Variants in SLC35E2B observed in about 807,000 individuals in gnomAD.
The protein encoded by SLC35E2B is solute carrier family 35 member E2B.
SLC35E2B carries 18 observed loss-of-function variants against 32.4 expected under a neutral mutation model. That is an observed-to-expected ratio of 0.56 (90% CI 0.38 to 0.82). The LOEUF is 0.82. SLC35E2B is among the 40% of genes least tolerant of loss of function. The pLI, the probability that SLC35E2B is intolerant of heterozygous loss-of-function variation, is 0.00. For missense variants in SLC35E2B, 263 were observed against 469.5 expected, an observed-to-expected ratio of 0.56 and a Z score of 4.06; for synonymous variants, 132 against 209.1, an observed-to-expected ratio of 0.63 and a Z score of 3.18.
intron 7 of SLC35E2B, 112 bp from the exon 8 acceptor site, chr1:1,669,848 C>G: frequency 8.7e-7 from 1 of 1,155,266 alleles, no homozygotes; most frequent in South Asian, 1.3e-5. Context: ...CGTTCATTCT[C>G]TCTAGACAGG....
chr1:1,683,695 G>A (rs1318298025), intron 2 of SLC35E2B, among the ~76,000 whole-genome samples: 6 of 152,020 alleles, frequency 3.9e-5, no homozygotes, highest in African/African-American at 1.2e-4. Context: ...GTGTTCTGGC[G>A]ACCAGTCCCC....
rs1643513207 is a variant in SLC35E2B at position 1,665,333 on chromosome 1, C to T, written c.*449G>A. Reference sequence around the variant, plus strand: ...TCCCTTCGGCCCTGCTCTGTGGCCTCATGCCCAGGGCCAGTCTGCCGCCGG... The same window carrying T: ...TCCCTTCGGCCCTGCTCTGTGGCCTTATGCCCAGGGCCAGTCTGCCGCCGG... On this transcript the variant is annotated 3_prime_UTR_variant, in exon 10 of 10. Coordinates refer to ENST00000617444, the MANE Select transcript of SLC35E2B (RefSeq NM_001290264.2). The T allele has an allele frequency of 7.6e-6, 3 of 393,376 alleles. No individual in the cohort carries two copies. Among genetic ancestry groups the T allele is most frequent in the Admixed American group, 4.2e-5 (1 of 23,686 alleles). 24.4% of individuals were successfully genotyped at this position (393,376 alleles called of 1,614,324 possible).
chr1:1,684,971 G>A (rs886172625), intron 2 of SLC35E2B, among the ~76,000 whole-genome samples: 1 of 151,564 alleles, frequency 6.6e-6, no homozygotes, highest in Non-Finnish European at 1.5e-5. Context: ...GCCGGGCGTG[G>A]TGGCGCATGC....
chr1:1,663,675 T>C lies in SLC35E2B; in HGVS notation c.*2107A>G. 1 of 254,704 alleles carries C rather than the reference T, an allele frequency of 3.9e-6. No individual in the cohort carries two copies. Among genetic ancestry groups the C allele is most frequent in the East Asian group, 1.8e-4 (1 of 5,680 alleles). The allele number at this position is 254,704 out of a possible 1,614,324, so 15.8% of individuals were successfully genotyped here. ...TGGTAGAGACAGGGTTTCATCATGT[T>C]GGCCAGGCTGGTCTCGAACTCCTGG... On this transcript the variant is annotated 3_prime_UTR_variant, in exon 10 of 10. Transcript: ENST00000617444.
chr1:1,685,551 C>T (rs72901735), intron 2 of SLC35E2B, among the ~76,000 whole-genome samples: 11,610 of 151,802 alleles, frequency 0.076, 1,449 homozygotes, highest in African/African-American at 0.26. Context: ...ACTTTCAGAA[C>T]CATGAAAATA....
At position 1,671,573 on chromosome 1, in the gene SLC35E2B, C is replaced by T; in HGVS notation, c.643G>A (p.Ala215Thr). ...AGGACATTGAAGCTGATCTCAGTGG[C>T]CGTGCACAGCGCCAGCCCGCCCATG... is the stretch of plus-strand genomic sequence containing the variant. ...PVMGGLALCT[A>T]TEISFNVLGF... is the part of the protein sequence containing the mutation. Residue 215 changes from alanine to threonine, a missense_variant, in exon 6 of 10, where the codon GCC becomes ACC. By Grantham distance (58) the Ala-to-Thr change is moderately conservative (BLOSUM62 0). Around this residue, in one of 7 missense-constraint regions of SLC35E2B, gnomAD observed 129 missense variants for 164.5 expected, o/e 0.78. Coordinates refer to ENST00000617444, the MANE Select transcript of SLC35E2B (RefSeq NM_001290264.2). The T allele has an allele frequency of 1.3e-6, 2 of 1,549,406 alleles. No individual in the cohort carries two copies. The highest frequency in any genetic ancestry group is 1.7e-6 in the Non-Finnish European group (2 of 1,146,048).
At chr1:1,668,238 C>A (rs1176010712) in intron 9 of SLC35E2B, 89 bp downstream of exon 9, 1 of 1,492,486 alleles carries the variant, frequency 6.7e-7, no homozygotes, top group Non-Finnish European at 9.1e-7. Context: ...AAGAGAATCA[C>A]ATGTGTCCCT....
intron 6 of SLC35E2B, 193 bp downstream of exon 6, chr1:1,671,316 G>A (rs1218438576): frequency 3.7e-6 from 2 of 536,220 alleles, no homozygotes; most frequent in East Asian, 3.6e-5. Flanking sequence ...CGTCCATCCT[G>A]AAATTTCGGC....
At chr1:1,671,003 C>G (rs535358533) in intron 6 of SLC35E2B, 2 of 152,270 alleles carry the variant, frequency 1.3e-5, no homozygotes, top group African/African-American at 4.8e-5. Context: ...GTGACAAAGA[C>G]GTAAATAACA....
At position 1,663,842 on chromosome 1, in the gene SLC35E2B, G is replaced by A. The variant is rs1387453859; in HGVS notation, c.*1940C>T. On this transcript the variant is annotated 3_prime_UTR_variant, in exon 10 of 10. Transcript: ENST00000617444. ...GAAAGTCACGTGACAAAACATCTTC[G>A]CAGCGCAGTGAGCACACACCTGGCC... 6 of 910,932 alleles carry A rather than the reference G, an allele frequency of 6.6e-6. No individual in the cohort carries two copies. The highest frequency in any genetic ancestry group is 3.5e-5 in the African/African-American group (2 of 56,718). 56.4% of individuals were successfully genotyped at this position (910,932 alleles called of 1,614,324 possible). A position where few individuals can be genotyped will look rare whatever the true frequency, so the allele number is the denominator to read the frequency against.
rs1235234435 is a variant in SLC35E2B at position 1,663,516 on chromosome 1, G to A, written c.*2266C>T. ...GACGGAATCTTGCCCTGTTGCCCAG[G>A]CTGGAGTGCAATGGCACGATCTTGG... On this transcript the variant is annotated 3_prime_UTR_variant, in exon 10 of 10. Transcript: ENST00000617444. 3 of 781,364 alleles carry A rather than the reference G, an allele frequency of 3.8e-6. No homozygotes were observed. In the African/African-American group the frequency reaches 5.6e-5, roughly 14 times the overall value. 48.4% of individuals were successfully genotyped at this position (781,364 alleles called of 1,614,324 possible).
intron 9 of SLC35E2B, among the ~76,000 whole-genome samples, chr1:1,667,203 G>A (rs575863514): frequency 6.9e-5 from 10 of 145,742 alleles, no homozygotes; most frequent in South Asian, 2.2e-4. Flanking sequence ...TCAGGAGATC[G>A]AGACCATCCT....
At position 1,665,738 on chromosome 1, in the gene SLC35E2B, G is replaced by A. The variant is rs1643525138; in HGVS notation, c.*44C>T. On this transcript the variant is annotated 3_prime_UTR_variant, in exon 10 of 10. Coordinates refer to ENST00000617444, the MANE Select transcript of SLC35E2B (RefSeq NM_001290264.2). ...AGGGCGTCCCTGCCCATTTCTGGGG[G>A]ATGCAGTGTCACGAGGACAGCAGCA... is the stretch of plus-strand genomic sequence containing the variant. 2.6e-6 allele frequency: 4 copies of A among 1,541,252 alleles called. No homozygotes were observed. Among genetic ancestry groups the A allele is most frequent in the Non-Finnish European group, 3.5e-6 (4 of 1,140,280 alleles).
chr1:1,689,668 TGAA>T (rs1643996168), intron 2 of SLC35E2B, among the ~76,000 whole-genome samples: 1 of 151,388 alleles, frequency 6.6e-6, no homozygotes, highest in South Asian at 2.1e-4. Context: ...CTTGGCTAAA[TGAA>T]GAATTCTGTT....
intron 9 of SLC35E2B, among the ~76,000 whole-genome samples, chr1:1,667,177 C>T (rs1003315330): frequency 7.4e-6 from 1 of 135,104 alleles, no homozygotes; most frequent in Non-Finnish European, 1.6e-5. Context: ...GAGGCTGAGG[C>T]GGGCAGATCA....
At position 1,663,058 on chromosome 1, in the gene SLC35E2B, G is replaced by T. The variant is rs1430997969; in HGVS notation, c.*2724C>A. 11 of 955,258 alleles carry T rather than the reference G, an allele frequency of 1.2e-5. No homozygotes were observed. The highest frequency in any genetic ancestry group is 1.4e-5 in the Non-Finnish European group (11 of 802,772). The allele number at this position is 955,258 out of a possible 1,614,324, so 59.2% of individuals were successfully genotyped here. The stretch of plus-strand genomic sequence containing the variant: ...GAAACTGACTTGGGCATGGAGAGGA[G>T]ACTGAGGGAGAGGGAGGGGACAGCA... On this transcript the variant is annotated 3_prime_UTR_variant, in exon 10 of 10. Transcript: ENST00000617444.
intron 7 of SLC35E2B, 24 bp from the exon 8 acceptor site, chr1:1,669,760 GC>G: frequency 6.5e-7 from 1 of 1,548,024 alleles, no homozygotes; most frequent in Non-Finnish European, 8.7e-7. Context: ...AACACGCTGG[GC>G]CCCCCGTGTC....
chr1:1,689,085 T>C (rs941470627), intron 2 of SLC35E2B, among the ~76,000 whole-genome samples: 19 of 150,984 alleles, frequency 1.3e-4, no homozygotes, highest in African/African-American at 4.4e-4. Context: ...GGCACGAGGA[T>C]CACTTGAACC....
chr1:1,678,272 C>A (rs535408576), intron 2 of SLC35E2B, among the ~76,000 whole-genome samples: 3 of 151,984 alleles, frequency 2.0e-5, no homozygotes, highest in Middle Eastern at 6.9e-3. Context: ...GAGGGACGCA[C>A]GCCACCCCCT....
Sources: gnomAD v4.1 joint callset for allele counts (sites outside exome capture counted in the v4.1 genomes callset) on GRCh38, gnomAD v4.1.1 for gene constraint, gnomAD v4.1.1 regional missense constraint, MANE v1.5 for transcripts, NCBI Gene and HGNC (gene_info 2026-07-23, HGNC 2026-07-21) for gene names.